Variants in COL14A1 observed in about 807,000 individuals in gnomAD.
The protein encoded by COL14A1 is collagen type XIV alpha 1 chain, also known as collagen alpha-1(XIV) chain.
A neutral mutation model predicts 230.3 loss-of-function variants in COL14A1; 136 were observed. The observed-to-expected ratio is 0.59, with a 90% confidence interval of 0.51 to 0.68. The LOEUF (loss-of-function observed/expected upper bound fraction) is 0.68, where lower values mean the gene tolerates loss of function less well. Ranked by LOEUF, COL14A1 falls within the 30% of genes least tolerant of loss-of-function variation. The pLI, the probability that COL14A1 is intolerant of heterozygous loss-of-function variation, is 0.00. For synonymous variants in COL14A1, 792 were observed against 784.1 expected (o/e 1.01, Z -0.17); for missense variants, 1,976 against 2,215.8 (o/e 0.89, Z 2.17).
intron 45 of COL14A1, among the ~76,000 whole-genome samples, chr8:120,350,218 A>C (rs1478983248): frequency 1.3e-5 from 2 of 152,196 alleles, no homozygotes; most frequent in African/African-American, 4.8e-5. Flanking sequence ...GCCTGCCCTA[A>C]AAGAGCTCCT....
chr8:120,253,262 G>A (rs1020491308), intron 22 of COL14A1, among the ~76,000 whole-genome samples: 4 of 152,108 alleles, frequency 2.6e-5, no homozygotes, highest in African/African-American at 9.7e-5. Flanking sequence ...ACCTGACTTG[G>A]CCTCTCAAAG....
chr8:120,260,580 GT>G (rs902140915), intron 23 of COL14A1, among the ~76,000 whole-genome samples: 1 of 152,124 alleles, frequency 6.6e-6, no homozygotes, highest in Non-Finnish European at 1.5e-5. Flanking sequence ...GAAATAAAGC[GT>G]TATGAGGCTT....
intron 37 of COL14A1, among the ~76,000 whole-genome samples, chr8:120,312,012 A>ACT (rs1464725928): frequency 6.6e-6 from 1 of 152,002 alleles, no homozygotes; most frequent in Non-Finnish European, 1.5e-5. Flanking sequence ...CAGGAGAATC[A>ACT]CTTGAACCTG....
chr8:120,142,131 C>T (rs750472400), intron 1 of COL14A1, among the ~76,000 whole-genome samples: 57 of 151,796 alleles, frequency 3.8e-4, no homozygotes, highest in Non-Finnish European at 5.9e-4. Flanking sequence ...CTTTTCCTTG[C>T]TTTGTTCTGA....
chr8:120,153,739 A>G (rs558569935), intron 2 of COL14A1, among the ~76,000 whole-genome samples: 1 of 152,362 alleles, frequency 6.6e-6, no homozygotes, highest in South Asian at 2.1e-4. Flanking sequence ...ACCAGTAGGT[A>G]ATGCAGTAGC....
In COL14A1 at chr8:120,179,651, C is replaced by T. The variant is rs374978671; in HGVS notation, c.436+11404C>T. Among the ~76,000 whole-genome samples, 141 of 152,220 alleles carry T rather than the reference C, an allele frequency of 9.3e-4. No homozygotes were observed. In the Middle Eastern group the frequency reaches 0.017, roughly 18 times the overall value. On this transcript the variant is annotated intron_variant, in intron 5 of 47. Transcript: ENST00000297848. Reference sequence around the variant, plus strand: ...ATAGATTCAATGCCATCCCATCAAGCTACCATTAGAATTAGAAAAAACTAC... The same window carrying T: ...ATAGATTCAATGCCATCCCATCAAGTTACCATTAGAATTAGAAAAAACTAC...
intron 5 of COL14A1, among the ~76,000 whole-genome samples, chr8:120,177,734 C>CTA (rs1381514900): frequency 7.4e-6 from 1 of 135,106 alleles, no homozygotes; most frequent in Non-Finnish European, 1.6e-5. Flanking sequence ...TATATATAGA[C>CTA]TATATATAAA....
intron 43 of COL14A1, among the ~76,000 whole-genome samples, chr8:120,341,746 C>T (rs1563747598): frequency 6.6e-6 from 1 of 152,198 alleles, no homozygotes; most frequent in Non-Finnish European, 1.5e-5. Context: ...GGCAGCATGG[C>T]ACTCCTGGGC....
chr8:120,236,113 T>C (rs928468018), intron 19 of COL14A1, among the ~76,000 whole-genome samples: 1 of 152,254 alleles, frequency 6.6e-6, no homozygotes, highest in African/African-American at 2.4e-5. Flanking sequence ...TGGAGAGTTC[T>C]GTAGATGTCT....
intron 42 of COL14A1, among the ~76,000 whole-genome samples, chr8:120,339,874 C>G (rs1822222873): frequency 6.6e-6 from 1 of 151,918 alleles, no homozygotes; most frequent in Non-Finnish European, 1.5e-5. Flanking sequence ...CCCGTCTCTA[C>G]TAAAAATACA....
chr8:120,135,688 A>G (rs1045994318), intron 1 of COL14A1, among the ~76,000 whole-genome samples: 6 of 152,098 alleles, frequency 3.9e-5, no homozygotes, highest in African/African-American at 7.2e-5. Context: ...TTGAATCTAT[A>G]GATTATCTTA....
intron 26 of COL14A1, among the ~76,000 whole-genome samples, chr8:120,275,516 T>C (rs1268622886): frequency 6.6e-6 from 1 of 151,268 alleles, no homozygotes; most frequent in Non-Finnish European, 1.5e-5. Context: ...AAAAACCTTC[T>C]GAACAGCTAA....
intron 15 of COL14A1, among the ~76,000 whole-genome samples, chr8:120,225,668 TATAATA>T (rs1389623635): frequency 6.6e-6 from 1 of 152,178 alleles, no homozygotes; most frequent in Non-Finnish European, 1.5e-5. Flanking sequence ...GAAATCTTCA[TATAATA>T]ATAAGTAATA....
At chr8:120,142,324 T>A (rs1425127794) in intron 1 of COL14A1, among the ~76,000 whole-genome samples, 1 of 152,250 alleles carries the variant, frequency 6.6e-6, no homozygotes, top group African/African-American at 2.4e-5. Flanking sequence ...CAAATTCTCC[T>A]GCACTCATGC....
intron 27 of COL14A1, 93 bp downstream of exon 27, chr8:120,278,327 A>T (rs558810565): frequency 4.4e-5 from 66 of 1,507,866 alleles, no homozygotes; most frequent in Non-Finnish European, 5.8e-5. Context: ...GTAATTTTTT[A>T]AAGATTTTTT....
rs559064587 is a variant in COL14A1 at position 120,229,574 on chromosome 8, A to G, written c.2197+805A>G. 3.9e-5 allele frequency among the ~76,000 whole-genome samples: 6 copies of G among 152,204 alleles called. No individual in the cohort carries two copies. The South Asian group carries it at 8.3e-4, about 21-fold the overall frequency. On this transcript the variant is annotated intron_variant, in intron 18 of 47. Transcript: ENST00000297848. ...GTGAATAGTGCCACAATAAACATACATGTGCACGTGTCTTTATAGCAGCAT... is the reference window on the plus strand; with the variant it reads ...GTGAATAGTGCCACAATAAACATACGTGTGCACGTGTCTTTATAGCAGCAT...
chr8:120,318,980 T>A (rs1426096531), intron 40 of COL14A1, among the ~76,000 whole-genome samples: 1 of 152,118 alleles, frequency 6.6e-6, no homozygotes, highest in Admixed American at 6.5e-5. Context: ...AAGCCTACTC[T>A]AGGGAAAGGA....
intron 5 of COL14A1, among the ~76,000 whole-genome samples, chr8:120,195,710 G>A (rs1213742681): frequency 6.6e-6 from 1 of 152,100 alleles, no homozygotes; most frequent in African/African-American, 2.4e-5. Context: ...AAAACCATCA[G>A]ATCTTGTGAG....
chr8:120,154,687 G>A (rs1164794014), intron 2 of COL14A1, among the ~76,000 whole-genome samples: 3 of 152,142 alleles, frequency 2.0e-5, no homozygotes, highest in African/African-American at 7.2e-5. Context: ...TACACTTGAT[G>A]TTCGTCTTTT....
Sources: gnomAD v4.1 joint callset for allele counts (sites outside exome capture counted in the v4.1 genomes callset) on GRCh38, gnomAD v4.1.1 for gene constraint, MANE v1.5 for transcripts, NCBI Gene and HGNC (gene_info 2026-07-23, HGNC 2026-07-21) for gene names.